DDX11: variants seen among roughly 807,000 people sequenced by gnomAD.
DDX11 encodes DEAD/H-box helicase 11, also known as ATP-dependent DNA helicase DDX11.
In DDX11, 72 loss-of-function variants were observed where a neutral mutation model predicts 125.2. That is an observed-to-expected ratio of 0.58 (90% CI 0.48 to 0.70). The LOEUF (loss-of-function observed/expected upper bound fraction) is 0.70. Ranked by LOEUF, DDX11 falls within the 30% of genes least tolerant of loss-of-function variation. The pLI, the probability that DDX11 is intolerant of heterozygous loss-of-function variation, is 0.00. For synonymous variants in DDX11, 347 were observed against 452.6 expected, an observed-to-expected ratio of 0.77 and a Z score of 2.96; for missense variants, 883 against 1,165.0, an observed-to-expected ratio of 0.76 and a Z score of 3.52.
At position 31,101,866 on chromosome 12, in the gene DDX11, T is replaced by G. The variant is rs755605553; in HGVS notation, c.2086T>G (p.Cys696Gly). The change falls in exon 21 of 27, where the codon TGC becomes GGC. Residue 696 changes from cysteine to glycine, a missense_variant. Cys to Gly is a radical substitution (Grantham distance 159). This residue lies in a region of DDX11 where 285 missense variants were observed against 346.0 expected (regional missense o/e 0.82). Transcript: ENST00000542838. ...GGTGGGTCGCATTCTCTGTAACCTG[T>G]GCGGTGTGGTTCCTGGAGGGGTGGT... ...DEVGRILCNL[C>G]GVVPGGVVCF... 5 of 1,613,958 alleles carry G rather than the reference T, an allele frequency of 3.1e-6. No individual in the cohort carries two copies. The East Asian group carries it at 6.7e-5, about 22-fold the overall frequency.
chr12:31,096,709 C>T lies in DDX11; in HGVS notation c.1594C>T (p.Gln532Ter). ...GCAGCCCAAACTGGCTGGGTTTCAG[C>T]AATTCCTGCAGAGCCTGCAGCCCAG... The part of the protein sequence containing the change: ...REQPKLAGFQ[Q>*]FLQSLQPRTT... Residue 532 changes from glutamine to a stop codon, truncating the protein, a stop_gained, in exon 16 of 27, where the codon CAA becomes TAA. Coordinates refer to ENST00000542838, the MANE Select transcript of DDX11 (RefSeq NM_030653.4). LOFTEE classifies it high-confidence loss of function. The T allele has an allele frequency of 6.2e-7, 1 of 1,614,132 alleles. No individual in the cohort carries two copies. Among genetic ancestry groups the T allele is most frequent in the Non-Finnish European group, 8.5e-7 (1 of 1,180,026 alleles).
At chr12:31,087,047 C>G (rs996063771) in intron 5 of DDX11, among the ~76,000 whole-genome samples, 5 of 149,142 alleles carry the variant, frequency 3.4e-5, no homozygotes, top group Admixed American at 6.7e-5. Flanking sequence ...GTAGCGTGTG[C>G]CTGTCAGATG....
chr12:31,089,574 C>A, intron 8 of DDX11, 84 bp downstream of exon 8: 1 of 1,441,580 alleles, frequency 6.9e-7, no homozygotes, highest in Non-Finnish European at 9.7e-7. Flanking sequence ...CATTAAGTGT[C>A]TTTCATAGAA....
In DDX11 at chr12:31,102,964, C is replaced by T; in HGVS notation, c.2401C>T (p.Pro801Ser). 6.2e-7 allele frequency: 1 copy of T among 1,613,968 alleles called. No homozygotes were observed. ...TGTGGTGATGGTGGGCATGCCCTTC[C>T]CCAACATCAGGTCTGCAGAGCTGCA... is the stretch of plus-strand genomic sequence containing the variant. ...RCVVMVGMPF[P>S]NIRSAELQEK... The change falls in exon 24 of 27, where the codon CCC becomes TCC. Residue 801 changes from proline (P) to serine (S), a missense_variant. Pro to Ser is a moderately conservative substitution (Grantham distance 74, BLOSUM62 -1). This residue lies in a region of DDX11 where 285 missense variants were observed against 346.0 expected (regional missense o/e 0.82). Transcript: ENST00000542838.
intron 12 of DDX11, 170 bp downstream of exon 12, chr12:31,093,494 C>G: frequency 1.2e-6 from 1 of 838,836 alleles, no homozygotes; most frequent in East Asian, 2.9e-5. Context: ...GCAGGTGGTT[C>G]ACCTGAGGTT....
intron 1 of DDX11, among the ~76,000 whole-genome samples, chr12:31,075,832 G>A (rs908584336): frequency 6.6e-6 from 1 of 152,172 alleles, no homozygotes; most frequent in African/African-American, 2.4e-5. Context: ...GAATAAATAG[G>A]TTCAGATGGT....
At chr12:31,087,831 A>G in intron 5 of DDX11, 107 bp from the exon 6 acceptor site, 1 of 1,505,966 alleles carries the variant, frequency 6.6e-7, no homozygotes, top group East Asian at 2.5e-5. Context: ...GGTGGAACCC[A>G]TTGCTGGGAA....
At position 31,096,856 on chromosome 12, in the gene DDX11, C is replaced by T. The variant is rs1464476800; in HGVS notation, c.1631-3C>T. On this transcript the variant is annotated splice_polypyrimidine_tract_variant and splice_region_variant and intron_variant, in intron 16 of 26. Coordinates refer to ENST00000542838, the MANE Select transcript of DDX11 (RefSeq NM_030653.4). ...GGCCTCCTCCCCGTTCTGCTCTGTG[C>T]AGCTCTTGCAGCCCCTGCAGACGAG... 4 of 1,614,190 alleles carry T rather than the reference C, an allele frequency of 2.5e-6. No homozygotes were observed. Among genetic ancestry groups the T allele is most frequent in the Non-Finnish European group, 2.5e-6 (3 of 1,180,042 alleles).
chr12:31,074,795 A>G (rs145809531), intron 1 of DDX11, among the ~76,000 whole-genome samples: 1,579 of 152,296 alleles, frequency 0.01, 34 homozygotes, highest in African/African-American at 0.036. Context: ...AAGTTAAAAC[A>G]TTTTAGGGCC....
At chr12:31,097,052 C>T (rs1324537180) in intron 17 of DDX11, 62 bp downstream of exon 17, 16 of 1,604,340 alleles carry the variant, frequency 1.0e-5, no homozygotes, top group Non-Finnish European at 1.4e-5. Context: ...AGCCCGGGAG[C>T]CGCAGCGTGA....
rs138983559 is a variant in DDX11, at chr12:31,083,136, C to G, written c.145-677C>G. On this transcript the variant is annotated intron_variant, in intron 2 of 26. Transcript: ENST00000542838. ...CTTATGGAAAATTCTGGTCTTAAGTCAAGGGTAGTGTTCTCCAGTCTGTAT... is the reference window on the plus strand; with the variant it reads ...CTTATGGAAAATTCTGGTCTTAAGTGAAGGGTAGTGTTCTCCAGTCTGTAT... 5.0e-3 allele frequency among the ~76,000 whole-genome samples: 757 copies of G among 152,100 alleles called. 9 individuals carry two copies. Among genetic ancestry groups the G allele is most frequent in the African/African-American group, 0.017 (700 of 41,488 alleles).
At position 31,097,918 on chromosome 12, in the gene DDX11, T is replaced by G. The variant is rs571505512; in HGVS notation, c.1796T>G (p.Leu599Arg). The G allele has an allele frequency of 6.2e-7, 1 of 1,613,668 alleles. No homozygotes were observed. The highest frequency in any genetic ancestry group is 1.1e-5 in the South Asian group (1 of 91,080). The change falls in exon 18 of 27, where the codon CTC becomes CGC. Residue 599 changes from leucine (L) to arginine (R), a missense_variant. Physicochemically the swap from Leu to Arg is moderately radical, Grantham distance 102. This residue lies in a region of DDX11 where 241 missense variants were observed against 279.7 expected (regional missense o/e 0.86). Coordinates refer to ENST00000542838, the MANE Select transcript of DDX11 (RefSeq NM_030653.4). ...AGTCAGAGCACCCTGAAGTTTTTGCTCCTGAATCCAGCTGTGCACTTTGCC... is the reference window on the plus strand; with the variant it reads ...AGTCAGAGCACCCTGAAGTTTTTGCGCCTGAATCCAGCTGTGCACTTTGCC... ...SLSQSTLKFL[L>R]LNPAVHFAQV...
In DDX11 at chr12:31,103,920, G is replaced by A. The variant is rs752213759; in HGVS notation, c.*84G>A. ...AGTGTTTGTCGTGGGCGTGGTCTGC[G>A]GGGATCCTGTTACAAAGGTGAAACC... On this transcript the variant is annotated 3_prime_UTR_variant, in exon 27 of 27. Coordinates refer to ENST00000542838, the MANE Select transcript of DDX11 (RefSeq NM_030653.4). 35 of 1,613,528 alleles carry A rather than the reference G, an allele frequency of 2.2e-5. No homozygotes were observed. Among genetic ancestry groups the A allele is most frequent in the Admixed American group, 2.0e-4 (12 of 59,974 alleles).
intron 20 of DDX11, 123 bp downstream of exon 20, chr12:31,101,253 C>T: frequency 8.6e-6 from 7 of 813,362 alleles, no homozygotes; most frequent in East Asian, 5.3e-5. Context: ...CAGGGACACC[C>T]GCTTAGAGCC....
chr12:31,093,575 G>A, intron 12 of DDX11: 1 of 507,116 alleles, frequency 2.0e-6, no homozygotes, highest in Non-Finnish European at 3.7e-6. Context: ...AAAATTAGCT[G>A]GGAGTGTTGC....
intron 2 of DDX11, among the ~76,000 whole-genome samples, chr12:31,081,290 G>A (rs536934375): frequency 5.9e-5 from 9 of 152,316 alleles, no homozygotes; most frequent in African/African-American, 2.2e-4. Context: ...TGTCCTGGGT[G>A]TCCCGCAGCC....
rs761898940 is a variant in DDX11, at chr12:31,091,784, G to T, written c.1155G>T (p.Leu385=). The stretch of plus-strand genomic sequence containing the variant: ...CTCGGCAGGCCGCGGGCATCCGGCT[G>T]CAGGACCAGGTGGTGATCATCGACG... The part of the protein sequence containing the change: ...AATRQAAGIR[L]QDQVVIIDEA... The change falls in exon 10 of 27, where the codon CTG becomes CTT. Residue 385 remains leucine, a synonymous_variant. Coordinates refer to ENST00000542838, the MANE Select transcript of DDX11 (RefSeq NM_030653.4). 2.5e-6 allele frequency: 4 copies of T among 1,613,724 alleles called. No homozygotes were observed. Among genetic ancestry groups the T allele is most frequent in the African/African-American group, 1.3e-5 (1 of 74,944 alleles).
At chr12:31,090,723 A>C (rs1944060926) in intron 9 of DDX11, among the ~76,000 whole-genome samples, 1 of 152,214 alleles carries the variant, frequency 6.6e-6, no homozygotes, top group African/African-American at 2.4e-5. Flanking sequence ...TGGAAACGGG[A>C]TATCACTAGT....
At chr12:31,090,389 GTGC>G (rs2140746038) in intron 9 of DDX11, among the ~76,000 whole-genome samples, 1 of 150,646 alleles carries the variant, frequency 6.6e-6, no homozygotes, top group African/African-American at 2.5e-5. Flanking sequence ...TGAGAAGAGT[GTGC>G]TGCATACATC....
Sources: gnomAD v4.1 joint callset for allele counts (sites outside exome capture counted in the v4.1 genomes callset) on GRCh38, gnomAD v4.1.1 for gene constraint, gnomAD v4.1.1 regional missense constraint, MANE v1.5 for transcripts, NCBI Gene and HGNC (gene_info 2026-07-23, HGNC 2026-07-21) for gene names.